The following METAP1 variants were observed in gnomAD, a reference collection of about 807,000 sequenced individuals.
METAP1 encodes methionine aminopeptidase 1.
A neutral mutation model predicts 53.8 loss-of-function variants in METAP1; 28 were observed. The ratio of observed to expected loss-of-function variants is 0.52; its 90% CI spans 0.39 to 0.71. The LOEUF (loss-of-function observed/expected upper bound fraction) is 0.71. Among genes scored for constraint, METAP1 ranks in the 30% least tolerant of loss-of-function variants. METAP1 has a pLI of 0.00. For missense variants in METAP1, 389 were observed against 479.8 expected (o/e 0.81, Z 1.77); for synonymous variants, 181 against 165.7 (o/e 1.09, Z -0.71).
rs867342757 is a variant in METAP1, at chr4:99,035,912, C to T, written c.340+452C>T. ...AGAATGATATGATGATGATGGTTCT[C>T]TAATAATAACTGGTATTTATTTTTG... On this transcript the variant is annotated intron_variant, in intron 4 of 10. Coordinates refer to ENST00000296411, the MANE Select transcript of METAP1 (RefSeq NM_015143.3). 18 of 154,806 alleles carry T rather than the reference C, an allele frequency of 1.2e-4. No homozygotes were observed. In the Middle Eastern group the frequency reaches 4.8e-3, roughly 42 times the overall value. 9.6% of individuals were successfully genotyped at this position (154,806 alleles called of 1,614,324 possible).
At chr4:99,046,410 A>C (rs1726236815) in intron 8 of METAP1, among the ~76,000 whole-genome samples, 2 of 152,278 alleles carry the variant, frequency 1.3e-5, no homozygotes, top group South Asian at 4.1e-4. Context: ...AAAGAAGAAA[A>C]GAAAAAAAAG....
chr4:99,008,581 T>C (rs1215182571), intron 1 of METAP1, among the ~76,000 whole-genome samples: 1 of 152,184 alleles, frequency 6.6e-6, no homozygotes, highest in Non-Finnish European at 1.5e-5. Flanking sequence ...AGAACATGGA[T>C]GCTGTCTTAA....
chr4:99,027,033 A>G (rs1339236251), intron 1 of METAP1, among the ~76,000 whole-genome samples: 5 of 152,244 alleles, frequency 3.3e-5, no homozygotes, highest in African/African-American at 7.2e-5. Flanking sequence ...TGAATGTTTC[A>G]TGAACCAAGT....
chr4:99,012,571 G>A (rs1378965993), intron 1 of METAP1, among the ~76,000 whole-genome samples: 1 of 151,654 alleles, frequency 6.6e-6, no homozygotes, highest in South Asian at 2.1e-4. Context: ...CACCACACCC[G>A]GCCGAGGTGT....
chr4:99,025,532 A>G (rs1341636922), intron 1 of METAP1: 4 of 910,244 alleles, frequency 4.4e-6, no homozygotes, highest in Non-Finnish European at 5.3e-6. Flanking sequence ...TTATTTGTAA[A>G]GAAAAGCATT....
At chr4:99,007,728 A>G (rs540020636) in intron 1 of METAP1, among the ~76,000 whole-genome samples, 18 of 152,292 alleles carry the variant, frequency 1.2e-4, no homozygotes, top group African/African-American at 4.3e-4. Context: ...TTTCTTTTTC[A>G]TGTTCAAATT....
rs911743670 is a variant in METAP1, at chr4:99,050,467, C to T, written c.931+1591C>T. On this transcript the variant is annotated intron_variant, in intron 9 of 10. Coordinates refer to ENST00000296411, the MANE Select transcript of METAP1 (RefSeq NM_015143.3). ...AGGTGTGAGGTGGTAAAATCCTAGA[C>T]GTGGATAGTTGTGAAGAGAAAGTGA... Among the ~76,000 whole-genome samples the T allele has an allele frequency of 7.2e-5, 11 of 152,240 alleles. No individual in the cohort carries two copies. In the East Asian group the frequency reaches 1.5e-3, roughly 21 times the overall value.
intron 1 of METAP1, chr4:99,022,312 C>T (rs1724171148): frequency 1.3e-6 from 1 of 787,126 alleles, no homozygotes; most frequent in Non-Finnish European, 1.8e-6. Flanking sequence ...CCCTTGCCCT[C>T]AGGAGTCCCT....
rs564992929 is a variant in METAP1, at chr4:99,006,989, A to T, written c.114+11122A>T. Among the ~76,000 whole-genome samples, 5 of 148,014 alleles carry T rather than the reference A, an allele frequency of 3.4e-5. No homozygotes were observed. In the South Asian group the frequency reaches 8.5e-4, roughly 25 times the overall value. Reference sequence around the variant, plus strand: ...TTTTTTTTTTTTTTGAGACGGTCTCATTCTGTTGCCCAGGCTACAGTGCAG... The same window carrying T: ...TTTTTTTTTTTTTTGAGACGGTCTCTTTCTGTTGCCCAGGCTACAGTGCAG... On this transcript the variant is annotated intron_variant, in intron 1 of 10. Transcript: ENST00000296411.
chr4:99,044,435 C>T lies in METAP1; in HGVS notation c.656-744C>T, dbSNP rs770302340. Among the ~76,000 whole-genome samples, 16 of 152,060 alleles carry T rather than the reference C, an allele frequency of 1.1e-4. No individual in the cohort carries two copies. The South Asian group carries it at 1.4e-3, about 14-fold the overall frequency. On this transcript the variant is annotated intron_variant, in intron 7 of 10. Coordinates refer to ENST00000296411, the MANE Select transcript of METAP1 (RefSeq NM_015143.3). Reference sequence around the variant, plus strand: ...TACTGCTTTAGTTAGGGTATCTGTTCATAAAGTTCCATAGGTTTTGAGGCC... The same window carrying T: ...TACTGCTTTAGTTAGGGTATCTGTTTATAAAGTTCCATAGGTTTTGAGGCC...
intron 1 of METAP1, chr4:99,005,760 C>A (rs1204754663): frequency 7.0e-6 from 3 of 431,090 alleles, no homozygotes; most frequent in Non-Finnish European, 9.2e-6. Flanking sequence ...GAAATAATAT[C>A]TTTTGCAGCA....
At chr4:99,037,156 CCT>C (rs912172692) in intron 4 of METAP1, among the ~76,000 whole-genome samples, 19 of 151,198 alleles carry the variant, frequency 1.3e-4, no homozygotes, top group African/African-American at 4.1e-4. Context: ...CCTTTTTTTC[CCT>C]GTTAGAGTAC....
chr4:99,015,868 G>A (rs1258770503), intron 1 of METAP1, among the ~76,000 whole-genome samples: 3 of 152,152 alleles, frequency 2.0e-5, no homozygotes, highest in African/African-American at 7.2e-5. Flanking sequence ...TAGAAATAAA[G>A]GTATGTTAGG....
At chr4:99,012,320 G>A (rs1723519443) in intron 1 of METAP1, among the ~76,000 whole-genome samples, 2 of 148,390 alleles carry the variant, frequency 1.3e-5, no homozygotes, top group South Asian at 2.2e-4. Flanking sequence ...ACCCAGGCTG[G>A]AGTGAGGTGG....
intron 2 of METAP1, among the ~76,000 whole-genome samples, chr4:99,032,210 G>T (rs1048125060): frequency 6.8e-6 from 1 of 147,046 alleles, no homozygotes; most frequent in African/African-American, 2.5e-5. Context: ...CTTTACATTC[G>T]TTTTTTTTTT....
At chr4:99,050,930 A>C (rs62325205) in intron 9 of METAP1, among the ~76,000 whole-genome samples, 3,746 of 152,326 alleles carry the variant, frequency 0.025, 57 homozygotes, top group Non-Finnish European at 0.035. Context: ...ATGTGTGTCA[A>C]TAAATGGTTA....
intron 9 of METAP1, among the ~76,000 whole-genome samples, chr4:99,056,569 CTTGTTTGT>C (rs537875154): frequency 2.0e-5 from 3 of 151,608 alleles, no homozygotes; most frequent in Middle Eastern, 3.4e-3. Flanking sequence ...TTTTTGTTTG[CTTGTTTGT>C]TTGTTTGTTT....
At chr4:99,039,302 G>A (rs1048185316) in intron 4 of METAP1, 72 bp from the exon 5 acceptor site, 14 of 891,082 alleles carry the variant, frequency 1.6e-5, no homozygotes, top group Admixed American at 1.2e-4. Context: ...TATGCCACAG[G>A]TTTATAATTA....
At chr4:99,002,186 C>A (rs1579232725) in intron 1 of METAP1, among the ~76,000 whole-genome samples, 1 of 152,266 alleles carries the variant, frequency 6.6e-6, no homozygotes, top group East Asian at 1.9e-4. Flanking sequence ...AAGTGCATAG[C>A]TAAGCTCATT....
Sources: gnomAD v4.1 joint callset for allele counts (sites outside exome capture counted in the v4.1 genomes callset) on GRCh38, gnomAD v4.1.1 for gene constraint, MANE v1.5 for transcripts, NCBI Gene and HGNC (gene_info 2026-07-23, HGNC 2026-07-21) for gene names.